SLC22A9: variants seen among roughly 807,000 people sequenced by gnomAD.
SLC22A9 encodes solute carrier family 22 member 9.
A neutral mutation model predicts 50.1 loss-of-function variants in SLC22A9; 64 were observed. The observed-to-expected ratio is 1.28, with a 90% CI of 1.04 to 1.57. The LOEUF is 1.57. SLC22A9 is among the 40% of genes most tolerant of loss of function. The probability of loss-of-function intolerance (pLI) is 0.00; values close to 1 mark genes in which losing one functional copy is unlikely to be tolerated. For synonymous variants in SLC22A9, 261 were observed against 242.5 expected (o/e 1.08, Z -0.71); for missense variants, 757 against 676.1 (o/e 1.12, Z -1.33).
chr11:63,382,327 A>T (rs756908932), intron 6 of SLC22A9, 50 bp downstream of exon 6: 1 of 1,334,052 alleles, frequency 7.5e-7, no homozygotes. Context: ...GGAGACATGA[A>T]TCTTGTCCTC....
At chr11:63,371,616 T>C (rs1298385638) in intron 2 of SLC22A9, among the ~76,000 whole-genome samples, 1 of 152,208 alleles carries the variant, frequency 6.6e-6, no homozygotes, top group East Asian at 1.9e-4. Flanking sequence ...TGTGAGCTGA[T>C]AGCTTGTGCC....
At chr11:63,399,177 A>C (rs2014911777) in intron 6 of SLC22A9, among the ~76,000 whole-genome samples, 1 of 152,194 alleles carries the variant, frequency 6.6e-6, no homozygotes, top group South Asian at 2.1e-4. Flanking sequence ...AACAAATAAC[A>C]AAACGGCAGT....
intron 4 of SLC22A9, among the ~76,000 whole-genome samples, chr11:63,374,799 G>A (rs1160952387): frequency 6.6e-6 from 1 of 152,114 alleles, no homozygotes; most frequent in Non-Finnish European, 1.5e-5. Flanking sequence ...GATATTGGAT[G>A]AAAAGAAGGT....
intron 9 of SLC22A9, 69 bp from the exon 10 acceptor site, chr11:63,409,733 G>A: frequency 6.9e-7 from 1 of 1,452,058 alleles, no homozygotes; most frequent in Non-Finnish European, 9.6e-7. Context: ...AAGAATGCGG[G>A]ACTTACATGT....
intron 2 of SLC22A9, among the ~76,000 whole-genome samples, chr11:63,372,999 G>A (rs2014390220): frequency 6.6e-6 from 1 of 152,058 alleles, no homozygotes; most frequent in South Asian, 2.1e-4. Context: ...TTGATACAAT[G>A]CCAATGACAT....
At position 63,409,921 on chromosome 11, in the gene SLC22A9, T is replaced by C. The variant is rs559267969; in HGVS notation, c.*59T>C. On this transcript the variant is annotated 3_prime_UTR_variant, in exon 10 of 10. Transcript: ENST00000279178. ...CAGATGAAGGGAACAATCAGGACTA[T>C]TCCTAGACACTAGCAAAATCTAGAA... 3.8e-6 allele frequency: 6 copies of C among 1,577,704 alleles called. No individual in the cohort carries two copies. In the Admixed American group the frequency reaches 8.4e-5, roughly 22 times the overall value.
intron 6 of SLC22A9, among the ~76,000 whole-genome samples, chr11:63,394,916 A>G (rs574550546): frequency 6.6e-6 from 1 of 151,740 alleles, no homozygotes; most frequent in East Asian, 1.9e-4. Flanking sequence ...GGCTTTGTTC[A>G]TATTTTCTTG....
At chr11:63,402,901 C>T (rs1166007191) in intron 6 of SLC22A9, among the ~76,000 whole-genome samples, 1 of 152,036 alleles carries the variant, frequency 6.6e-6, no homozygotes, top group Non-Finnish European at 1.5e-5. Context: ...TGTATGTTTG[C>T]TCACCTTTCA....
intron 4 of SLC22A9, 110 bp downstream of exon 4, chr11:63,374,172 C>G: frequency 8.6e-6 from 9 of 1,043,248 alleles, no homozygotes; most frequent in Non-Finnish European, 1.2e-5. Context: ...GAGAGCACGT[C>G]CTCTCATAAT....
rs144446681 is a variant in SLC22A9 at position 63,387,685 on chromosome 11, G to A, written c.1073+5408G>A. ...TTAGGATTGTTTTTTCTATTTCTGC[G>A]GAAAATGTCATTGGTATTTTGATAG... On this transcript the variant is annotated intron_variant, in intron 6 of 9. Transcript: ENST00000279178. Among the ~76,000 whole-genome samples, 1,226 of 152,056 alleles carry A rather than the reference G, an allele frequency of 8.1e-3. 15 individuals carry two copies. Among genetic ancestry groups the A allele is most frequent in the African/African-American group, 0.028 (1,155 of 41,494 alleles).
intron 6 of SLC22A9, among the ~76,000 whole-genome samples, chr11:63,403,554 G>A (rs765382398): frequency 7.2e-5 from 11 of 152,026 alleles, no homozygotes; most frequent in Non-Finnish European, 1.3e-4. Context: ...AATGACTAAT[G>A]TGAAAAGTCC....
chr11:63,371,273 C>T (rs762108430), intron 2 of SLC22A9, 35 bp downstream of exon 2: 1 of 1,430,684 alleles, frequency 7.0e-7, no homozygotes, highest in South Asian at 1.2e-5. Flanking sequence ...TCTTTAAGGG[C>T]ATTTTTTATC....
chr11:63,397,465 G>C (rs759371361), intron 6 of SLC22A9, among the ~76,000 whole-genome samples: 4 of 152,068 alleles, frequency 2.6e-5, no homozygotes, highest in Non-Finnish European at 5.9e-5. Context: ...TTCCCTTCAC[G>C]GTCACAAGTT....
chr11:63,385,470 G>T (rs550966015), intron 6 of SLC22A9, among the ~76,000 whole-genome samples: 37 of 152,028 alleles, frequency 2.4e-4, no homozygotes, highest in African/African-American at 8.7e-4. Flanking sequence ...TGATTTCCTT[G>T]AGCAGTGGTT....
chr11:63,382,302 G>A (rs754155183), intron 6 of SLC22A9, 25 bp downstream of exon 6: 9 of 1,525,570 alleles, frequency 5.9e-6, no homozygotes, highest in Non-Finnish European at 4.5e-6. Flanking sequence ...GTGTTTGAGG[G>A]TAAGTTACAG....
intron 2 of SLC22A9, among the ~76,000 whole-genome samples, chr11:63,372,761 T>C: frequency 6.6e-6 from 1 of 152,174 alleles, no homozygotes; most frequent in Non-Finnish European, 1.5e-5. Flanking sequence ...TTCTAATTCA[T>C]ATGTAAAGAT....
At position 63,373,642 on chromosome 11, in the gene SLC22A9, A is replaced by G; in HGVS notation, c.507-2A>G. 6.5e-7 allele frequency: 1 copy of G among 1,534,170 alleles called. No individual in the cohort carries two copies. Among genetic ancestry groups the G allele is most frequent in the Non-Finnish European group, 8.7e-7 (1 of 1,145,446 alleles). ...ATTATCTAACCTGTTTCTGTTTCTC[A>G]GGTTTGGGAGAAGGTTCGTGCTCAG... On this transcript the variant is annotated splice_acceptor_variant, in intron 2 of 9. Coordinates refer to ENST00000279178, the MANE Select transcript of SLC22A9 (RefSeq NM_080866.3). LOFTEE classifies it high-confidence loss of function.
At chr11:63,408,566 T>C in intron 8 of SLC22A9, 110 bp from the exon 9 acceptor site, 2 of 964,438 alleles carry the variant, frequency 2.1e-6, no homozygotes, top group Non-Finnish European at 1.5e-6. Flanking sequence ...GAGTATTTCA[T>C]CACCTCTGTG....
At chr11:63,397,617 C>T (rs1591025191) in intron 6 of SLC22A9, among the ~76,000 whole-genome samples, 1 of 152,152 alleles carries the variant, frequency 6.6e-6, no homozygotes, top group South Asian at 2.1e-4. Context: ...TCCATTCTTC[C>T]CACCCTTTTC....
Sources: allele counts gnomAD v4.1 joint callset (sites outside exome capture counted in the v4.1 genomes callset), GRCh38; gene constraint gnomAD v4.1.1; transcripts MANE v1.5; gene names NCBI Gene and HGNC (gene_info 2026-07-23, HGNC 2026-07-21).